ZNF717: variants seen among roughly 807,000 people sequenced by gnomAD.
ZNF717 encodes the protein zinc finger protein 717, also known as krueppel-like factor X17.
ZNF717 carries 9 observed loss-of-function variants against 13.8 expected under a neutral mutation model. The observed-to-expected ratio is 0.65, with a 90% CI of 0.39 to 1.14. The LOEUF is 1.14. Ranked by LOEUF, ZNF717 falls within the 50% of genes most tolerant of loss-of-function variation. The probability of loss-of-function intolerance (pLI) is 0.01; values close to 1 mark genes in which losing one functional copy is unlikely to be tolerated. For synonymous variants in ZNF717, 327 were observed against 364.1 expected (o/e 0.90, Z 1.16); for missense variants, 1,040 against 1,080.7 (o/e 0.96, Z 0.53).
chr3:75,712,607 T>A (rs1335138885), intron 5 of ZNF717, among the ~76,000 whole-genome samples: 2 of 152,210 alleles, frequency 1.3e-5, no homozygotes, highest in Non-Finnish European at 2.9e-5. Flanking sequence ...CACTTTGTCC[T>A]GTACTTTCCC....
At chr3:75,706,439 A>G (rs1937804338), downstream of ZNF717, among the ~76,000 whole-genome samples, 2 of 152,312 alleles carry the variant, frequency 1.3e-5, no homozygotes, top group South Asian at 2.1e-4. Flanking sequence ...ATAACATAAA[A>G]TAAAGCAAAT....
In ZNF717 at chr3:75,736,925, C is replaced by A. The variant is rs1363165144; in HGVS notation, c.2698G>T (p.Ala900Ser). Residue 900 changes from alanine to serine, a missense_variant, in exon 5 of 5, where the codon GCT (alanine) becomes TCT (serine). Ala to Ser is a moderately conservative substitution (Grantham distance 99). Around this residue, in one of 3 missense-constraint regions of ZNF717, gnomAD observed 44 missense variants for 70.1 expected, o/e 0.63. Coordinates refer to ENST00000652011, the MANE Select transcript of ZNF717 (RefSeq NM_001290208.3). ...QTHIGEKSDV[A>S]EAGYVFPQNH... is the part of the protein sequence containing the mutation. ...TGAGGGAACACATAGCCTGCCTCAG[C>A]TACGTCAGATTTCTCTCCTATATGG... is the stretch of plus-strand genomic sequence containing the variant. 1.9e-6 allele frequency: 3 copies of A among 1,561,046 alleles called. No individual in the cohort carries two copies. Among genetic ancestry groups the A allele is most frequent in the South Asian group, 1.2e-5 (1 of 85,186 alleles).
chr3:75,705,444 T>G (rs1937785649), downstream of ZNF717, among the ~76,000 whole-genome samples: 1 of 152,310 alleles, frequency 6.6e-6, no homozygotes, highest in African/African-American at 2.4e-5. Context: ...TTAATGCAAG[T>G]GCCTCTTAAT....
At chr3:75,778,234 G>A (rs1239152096) in intron 2 of ZNF717, among the ~76,000 whole-genome samples, 1 of 151,586 alleles carries the variant, frequency 6.6e-6, no homozygotes, top group Non-Finnish European at 1.5e-5. Flanking sequence ...CAAAACAATG[G>A]AGCTGACGTG....
chr3:75,723,197 C>A (rs1938202254), intron 4 of ZNF717, among the ~76,000 whole-genome samples: 1 of 146,668 alleles, frequency 6.8e-6, no homozygotes, highest in East Asian at 2.0e-4. Context: ...CACTTGAAAA[C>A]TTTTTACATT....
intron 2 of ZNF717, among the ~76,000 whole-genome samples, chr3:75,744,343 C>T (rs1575798001): frequency 7.9e-6 from 1 of 127,280 alleles, no homozygotes; most frequent in Non-Finnish European, 1.7e-5. Flanking sequence ...ATTTTAATAA[C>T]AATCTTAACA....
chr3:75,772,968 T>G (rs77345188), intron 2 of ZNF717, among the ~76,000 whole-genome samples: 8 of 140,330 alleles, frequency 5.7e-5, no homozygotes, highest in Non-Finnish European at 1.3e-4. Context: ...CTGTTCCAAA[T>G]AGGCTTTAGA....
At chr3:75,760,943 T>A (rs7429633) in intron 2 of ZNF717, among the ~76,000 whole-genome samples, 16 of 131,552 alleles carry the variant, frequency 1.2e-4, no homozygotes, top group East Asian at 6.4e-4. Context: ...TAAAATCATA[T>A]ATAAAAGAGG....
chr3:75,779,537 G>A (rs147250919), intron 2 of ZNF717, among the ~76,000 whole-genome samples: 1 of 149,482 alleles, frequency 6.7e-6, no homozygotes, highest in Non-Finnish European at 1.5e-5. Context: ...CAATGGGAGT[G>A]TCCTGCTAAA....
intron 2 of ZNF717, among the ~76,000 whole-genome samples, chr3:75,752,044 A>G (rs1185182380): frequency 1.3e-5 from 2 of 151,566 alleles, no homozygotes; most frequent in Non-Finnish European, 2.9e-5. Flanking sequence ...TGTTCCTCAC[A>G]TGGGATTCCA....
Position 75,736,001 on chromosome 3 carries a change from T to C in ZNF717, c.*877A>G, listed in dbSNP as rs1205882022. 2 of 152,298 alleles carry C rather than the reference T, an allele frequency of 1.3e-5. No homozygotes were observed. The highest frequency in any genetic ancestry group is 3.9e-4 in the East Asian group (2 of 5,180). The allele number at this position is 152,298 out of a possible 1,614,324, so 9.4% of individuals were successfully genotyped here. A position where few individuals can be genotyped will look rare whatever the true frequency, so the allele number is the denominator to read the frequency against. ...ACCATGGGCTCACTTCACATCTCTG[T>C]CACATCTTTTGGCAATCCCAATCTT... On this transcript the variant is annotated 3_prime_UTR_variant, in exon 5 of 5. Coordinates refer to ENST00000652011, the MANE Select transcript of ZNF717 (RefSeq NM_001290208.3).
chr3:75,746,876 T>C (rs375003998), intron 2 of ZNF717, among the ~76,000 whole-genome samples: 29 of 152,234 alleles, frequency 1.9e-4, no homozygotes, highest in Admixed American at 1.8e-3. Context: ...AATTAGATCC[T>C]ATTTGTCAAT....
downstream of ZNF717, among the ~76,000 whole-genome samples, chr3:75,730,980 C>A (rs1479999320): frequency 6.6e-6 from 1 of 152,204 alleles, no homozygotes; most frequent in African/African-American, 2.4e-5. Flanking sequence ...GTGGCTCATG[C>A]CTGTAATCCC....
At position 75,721,163 on chromosome 3, in the gene ZNF717, T is replaced by C. The variant is rs977993672; in HGVS notation, n.545-4622A>G. Among the ~76,000 whole-genome samples, 1,076 of 152,348 alleles carry C rather than the reference T, an allele frequency of 7.1e-3. 4 individuals are homozygous for C. Among genetic ancestry groups the C allele is most frequent in the Non-Finnish European group, 0.011 (721 of 68,038 alleles). The stretch of plus-strand genomic sequence containing the variant: ...AACTACTTGAAAATAATTAAGGTTG[T>C]TCAGGTTCAAATCAACAAATTCCAT... On this transcript the variant is annotated intron_variant and non_coding_transcript_variant, in intron 4 of 5. Transcript: ENST00000491507.
chr3:75,725,728 C>T (rs1449330238), downstream of ZNF717, among the ~76,000 whole-genome samples: 1 of 152,190 alleles, frequency 6.6e-6, no homozygotes, highest in Non-Finnish European at 1.5e-5. Flanking sequence ...TCCCTCCATA[C>T]AACCATCAGA....
intron 4 of ZNF717, among the ~76,000 whole-genome samples, chr3:75,723,720 A>C (rs1368448455): frequency 6.6e-6 from 1 of 150,520 alleles, no homozygotes; most frequent in African/African-American, 2.4e-5. Context: ...CGGTAACACC[A>C]GCGCCTGGGA....
chr3:75,705,979 A>G (rs1937795883), downstream of ZNF717, among the ~76,000 whole-genome samples: 2 of 152,312 alleles, frequency 1.3e-5, no homozygotes, highest in Non-Finnish European at 2.9e-5. Flanking sequence ...ATAGGGTGGC[A>G]GCCTGCAACC....
downstream of ZNF717, among the ~76,000 whole-genome samples, chr3:75,728,843 GT>G (rs1394301194): frequency 1.0e-3 from 159 of 152,210 alleles, no homozygotes; most frequent in African/African-American, 3.5e-3. Context: ...TCATGCCTTT[GT>G]CTCAGTGAAT....
chr3:75,710,767 A>C (rs1347437995), exon 6 of ZNF717: 1 of 152,132 alleles, frequency 6.6e-6, no homozygotes, highest in Non-Finnish European at 1.5e-5. Flanking sequence ...GTTGTTGCCA[A>C]ATTAGGAGAA....
Sources: gnomAD v4.1 joint callset for allele counts (sites outside exome capture counted in the v4.1 genomes callset) on GRCh38, gnomAD v4.1.1 for gene constraint, gnomAD v4.1.1 regional missense constraint, MANE v1.5 for transcripts, NCBI Gene and HGNC (gene_info 2026-07-23, HGNC 2026-07-21) for gene names.